The following SIDT1 variants were observed in gnomAD, a reference collection of about 807,000 sequenced individuals.
SIDT1 encodes SID1 transmembrane family member 1.
SIDT1 carries 101 observed loss-of-function variants against 107.5 expected under a neutral mutation model. That is an observed-to-expected ratio of 0.94 (90% CI 0.80 to 1.11). The LOEUF (loss-of-function observed/expected upper bound fraction) is 1.11. Among genes scored for constraint, SIDT1 ranks in the 50% least tolerant of loss-of-function variants. The pLI is 0.00. For missense variants in SIDT1, 1,076 were observed against 1,058.2 expected, an observed-to-expected ratio of 1.02 and a Z score of -0.23; for synonymous variants, 395 against 398.2, an observed-to-expected ratio of 0.99 and a Z score of 0.10.
intron 1 of SIDT1, among the ~76,000 whole-genome samples, chr3:113,542,111 CG>C (rs1938974276): frequency 6.6e-6 from 1 of 151,718 alleles, no homozygotes; most frequent in South Asian, 2.1e-4. Flanking sequence ...TTAGTACAGA[CG>C]GGTTTTCACC....
At chr3:113,569,408 A>G (rs1054837949) in intron 3 of SIDT1, among the ~76,000 whole-genome samples, 6 of 152,182 alleles carry the variant, frequency 3.9e-5, no homozygotes, top group African/African-American at 1.2e-4. Context: ...TCAAAATCGT[A>G]TATGTCACTG....
chr3:113,616,564 A>G (rs1037529559), intron 20 of SIDT1, among the ~76,000 whole-genome samples: 4 of 152,142 alleles, frequency 2.6e-5, no homozygotes, highest in Admixed American at 6.5e-5. Context: ...TGGGCTTCAT[A>G]CCTGGGTGAT....
At chr3:113,534,961 G>A (rs1001399949) in intron 1 of SIDT1, among the ~76,000 whole-genome samples, 2 of 152,172 alleles carry the variant, frequency 1.3e-5, no homozygotes, top group African/African-American at 4.8e-5. Flanking sequence ...CCAGTACCTA[G>A]CACAGTGAAT....
At chr3:113,555,581 T>C (rs1940759759) in intron 1 of SIDT1, among the ~76,000 whole-genome samples, 1 of 152,246 alleles carries the variant, frequency 6.6e-6, no homozygotes, top group Non-Finnish European at 1.5e-5. Context: ...AAAATCTAGA[T>C]TATAAACAAA....
intron 1 of SIDT1, among the ~76,000 whole-genome samples, chr3:113,564,850 G>A (rs1311728919): frequency 2.6e-5 from 4 of 152,208 alleles, no homozygotes; most frequent in Admixed American, 2.0e-4. Flanking sequence ...ATGGAAACAT[G>A]TAGAGTGTAG....
intron 10 of SIDT1, 32 bp downstream of exon 10, chr3:113,593,080 G>A (rs1463082389): frequency 6.3e-7 from 1 of 1,582,366 alleles, no homozygotes; most frequent in Admixed American, 1.7e-5. Flanking sequence ...AATTCAAAAT[G>A]GTGTCGCATA....
At chr3:113,635,246 A>G in the SIDT1 span, among the ~76,000 whole-genome samples, 1 of 152,256 alleles carries the variant, frequency 6.6e-6, no homozygotes, top group African/African-American at 2.4e-5. Context: ...CTATAATTCC[A>G]GCATTTGCGG....
At position 113,566,474 on chromosome 3, in the gene SIDT1, G is replaced by A; in HGVS notation, c.277G>A (p.Val93Ile). 9 of 1,614,130 alleles carry A rather than the reference G, an allele frequency of 5.6e-6. No homozygotes were observed. Among genetic ancestry groups the A allele is most frequent in the Non-Finnish European group, 7.6e-6 (9 of 1,180,012 alleles). Residue 93 changes from valine to isoleucine, a missense_variant, in exon 2 of 25, where the codon GTC becomes ATC. Val to Ile is a conservative substitution (Grantham distance 29, BLOSUM62 3). Coordinates refer to ENST00000264852, the MANE Select transcript of SIDT1 (RefSeq NM_017699.3). ...NSSSENLNYP[V>I]LVVVRQQKEV... ...TTCCTCTGAGAATCTCAACTACCCG[G>A]TCCTTGTTGTGGTTCGCCAGCAGAA...
chr3:113,558,554 C>CT (rs1941119101), intron 1 of SIDT1, among the ~76,000 whole-genome samples: 1 of 152,188 alleles, frequency 6.6e-6, no homozygotes, highest in African/African-American at 2.4e-5. Context: ...GAAAGACAGA[C>CT]TTACTGCCTG....
Position 113,627,944 on chromosome 3 carries a change from G to C in SIDT1, c.*236G>C, listed in dbSNP as rs1946961457. 1.8e-6 allele frequency: 1 copy of C among 543,220 alleles called. No individual in the cohort carries two copies. The highest frequency in any genetic ancestry group is 1.9e-5 in the African/African-American group (1 of 52,466). The allele number at this position is 543,220 out of a possible 1,614,324, so 33.6% of individuals were successfully genotyped here. A position where few individuals can be genotyped will look rare whatever the true frequency, so the allele number is the denominator to read the frequency against. On this transcript the variant is annotated 3_prime_UTR_variant, in exon 25 of 25. Coordinates refer to ENST00000264852, the MANE Select transcript of SIDT1 (RefSeq NM_017699.3). Reference sequence around the variant, plus strand: ...AAACCTGAGGAGCTGAGAAACACTTGCTCCTTCCATCTGCAGCTTTGGGAG... The same window carrying C: ...AAACCTGAGGAGCTGAGAAACACTTCCTCCTTCCATCTGCAGCTTTGGGAG...
At chr3:113,551,606 C>G (rs1940239469) in intron 1 of SIDT1, among the ~76,000 whole-genome samples, 1 of 152,154 alleles carries the variant, frequency 6.6e-6, no homozygotes, top group Non-Finnish European at 1.5e-5. Flanking sequence ...TGTCTGACTC[C>G]CTTACAATTA....
intron 17 of SIDT1, among the ~76,000 whole-genome samples, 169 bp from the exon 18 acceptor site, chr3:113,610,839 G>C (rs1368589563): frequency 6.6e-6 from 1 of 152,160 alleles, no homozygotes; most frequent in Non-Finnish European, 1.5e-5. Flanking sequence ...GTCTCCTAGA[G>C]AATGTGCCAA....
chr3:113,619,803 A>G (rs1311862939), intron 21 of SIDT1, 77 bp downstream of exon 21: 30 of 1,316,860 alleles, frequency 2.3e-5, no homozygotes, highest in Non-Finnish European at 2.9e-5. Context: ...CTTGACTGTC[A>G]TTTTTACAAA....
chr3:113,554,148 G>T (rs1486604017), intron 1 of SIDT1, among the ~76,000 whole-genome samples: 2 of 152,186 alleles, frequency 1.3e-5, no homozygotes, highest in African/African-American at 4.8e-5. Context: ...CCCAGAATTG[G>T]TTAGATTCTT....
the SIDT1 span, among the ~76,000 whole-genome samples, chr3:113,635,882 A>AAAAAG: frequency 8.5e-4 from 130 of 152,096 alleles, no homozygotes; most frequent in African/African-American, 3.0e-3. Flanking sequence ...TCAAAAAAAA[A>AAAAAG]AAAAGAAAAG....
rs779400215 is a variant in SIDT1 at position 113,612,165 on chromosome 3, A to T, written c.1937A>T (p.Gln646Leu). 1 of 1,613,890 alleles carries T rather than the reference A, an allele frequency of 6.2e-7. No individual in the cohort carries two copies. The highest frequency in any genetic ancestry group is 1.1e-5 in the South Asian group (1 of 91,068). The stretch of plus-strand genomic sequence containing the variant: ...CTGGCCTCGCTAGCCCTCAGCACCC[A>T]GATATATTATATGGGTCGTTTCAAG... ...HVLASLALST[Q>L]IYYMGRFKID... The change falls in exon 19 of 25, where the codon CAG becomes CTG. Residue 646 changes from glutamine to leucine, a missense_variant. By Grantham distance (113) the Gln-to-Leu change is moderately radical (BLOSUM62 -2). Transcript: ENST00000264852.
intron 1 of SIDT1, among the ~76,000 whole-genome samples, chr3:113,553,772 G>A (rs879900780): frequency 6.6e-6 from 1 of 152,160 alleles, no homozygotes; most frequent in Non-Finnish European, 1.5e-5. Flanking sequence ...GAAGCCAGGC[G>A]TGGTGGCTCA....
chr3:113,599,043 T>A (rs1228989069), intron 10 of SIDT1, among the ~76,000 whole-genome samples: 1 of 152,222 alleles, frequency 6.6e-6, no homozygotes, highest in Non-Finnish European at 1.5e-5. Context: ...GGCAGGAGGA[T>A]CGCCTGAACC....
chr3:113,563,568 C>T (rs1941630625), intron 1 of SIDT1, among the ~76,000 whole-genome samples: 1 of 152,260 alleles, frequency 6.6e-6, no homozygotes, highest in East Asian at 1.9e-4. Context: ...GGGTGCAATC[C>T]GTAAAATCCG....
Sources: gnomAD v4.1 joint callset for allele counts (sites outside exome capture counted in the v4.1 genomes callset) on GRCh38, gnomAD v4.1.1 for gene constraint, MANE v1.5 for transcripts, NCBI Gene and HGNC (gene_info 2026-07-23, HGNC 2026-07-21) for gene names.